Variants in ANAPC1 observed in about 807,000 individuals in gnomAD.
The protein encoded by ANAPC1 is anaphase promoting complex subunit 1.
A neutral mutation model predicts 208.0 loss-of-function variants in ANAPC1; 36 were observed. That is an observed-to-expected ratio of 0.17 (90% confidence interval 0.13 to 0.23). The LOEUF is 0.23. Among genes scored for constraint, ANAPC1 ranks in the 10% least tolerant of loss-of-function variants. ANAPC1 has a pLI of 1.00. For missense variants in ANAPC1, 942 were observed against 2,011.6 expected (o/e 0.47, Z 10.17); for synonymous variants, 378 against 695.2 (o/e 0.54, Z 7.18).
chr2:111,806,076 G>C (rs1348607105), intron 29 of ANAPC1, among the ~76,000 whole-genome samples, 183 bp from the exon 30 acceptor site: 1 of 151,450 alleles, frequency 6.6e-6, no homozygotes, highest in African/African-American at 2.4e-5. Context: ...AAAAAAAAGG[G>C]CCCAAAATAG....
chr2:111,860,454 G>A (rs1681997111), intron 10 of ANAPC1, among the ~76,000 whole-genome samples: 3 of 144,838 alleles, frequency 2.1e-5, no homozygotes, highest in Admixed American at 7.0e-5. Flanking sequence ...GAGTCTGTAT[G>A]CCTATGTTCA....
chr2:111,863,468 C>A lies in ANAPC1; in HGVS notation c.1052+207G>T, dbSNP rs189355476. On this transcript the variant is annotated intron_variant, in intron 9 of 47. Coordinates refer to ENST00000341068, the MANE Select transcript of ANAPC1 (RefSeq NM_022662.4). Reference sequence around the variant, plus strand: ...CAGAGTTTGCAGTGAGTCAAGATTGCGCCACTGCACACCAGCCTGGGTGAC... The same window carrying A: ...CAGAGTTTGCAGTGAGTCAAGATTGAGCCACTGCACACCAGCCTGGGTGAC... Among the ~76,000 whole-genome samples, 745 of 146,298 alleles carry A rather than the reference C, an allele frequency of 5.1e-3. 14 individuals are homozygous for A. The highest frequency in any genetic ancestry group is 0.018 in the African/African-American group (704 of 39,482).
At chr2:111,864,555 C>A (rs1226222741) in intron 8 of ANAPC1, among the ~76,000 whole-genome samples, 1 of 149,250 alleles carries the variant, frequency 6.7e-6, no homozygotes, top group Admixed American at 6.7e-5. Flanking sequence ...ACCTACACCT[C>A]CCAGGTTCAA....
chr2:111,870,031 G>A (rs1286172113), intron 6 of ANAPC1, among the ~76,000 whole-genome samples: 1 of 152,172 alleles, frequency 6.6e-6, no homozygotes, highest in East Asian at 1.9e-4. Context: ...CATCCAGCTT[G>A]CTGCAAAAGA....
chr2:111,857,104 CAGAT>C (rs1681771897), intron 11 of ANAPC1: 3 of 484,860 alleles, frequency 6.2e-6, no homozygotes, highest in Admixed American at 3.4e-5. Context: ...TAACGTAAGA[CAGAT>C]AAAGATGTTT....
chr2:111,832,286 G>A (rs1401180029), intron 20 of ANAPC1, among the ~76,000 whole-genome samples: 1 of 140,130 alleles, frequency 7.1e-6, no homozygotes, highest in African/African-American at 2.7e-5. Flanking sequence ...CTGGGCGACA[G>A]AGTGAGACCC....
At chr2:111,859,258 A>G (rs1681919721) in intron 10 of ANAPC1, among the ~76,000 whole-genome samples, 1 of 152,090 alleles carries the variant, frequency 6.6e-6, no homozygotes, top group African/African-American at 2.4e-5. Context: ...CGAGGTGGGC[A>G]GATCACCTGA....
At chr2:111,844,398 A>G (rs1680937124) in intron 16 of ANAPC1, among the ~76,000 whole-genome samples, 1 of 151,336 alleles carries the variant, frequency 6.6e-6, no homozygotes. Context: ...GTGAAACCCC[A>G]TTTCTACTAA....
intron 46 of ANAPC1, among the ~76,000 whole-genome samples, chr2:111,775,408 T>C (rs912213625): frequency 2.0e-5 from 3 of 152,258 alleles, no homozygotes; most frequent in African/African-American, 7.2e-5. Flanking sequence ...CTGTGATTTT[T>C]ACACACAAAT....
chr2:111,847,800 A>G lies in ANAPC1; in HGVS notation c.1716T>C (p.Asn572=), dbSNP rs1175944249. 1 of 1,607,388 alleles carries G rather than the reference A, an allele frequency of 6.2e-7. No homozygotes were observed. The highest frequency in any genetic ancestry group is 8.5e-7 in the Non-Finnish European group (1 of 1,177,090). Residue 572 remains asparagine, a synonymous_variant, in exon 15 of 48, where the codon AAT becomes AAC. Coordinates refer to ENST00000341068, the MANE Select transcript of ANAPC1 (RefSeq NM_022662.4). The part of the protein sequence containing the change: ...DSSKLHDSLY[N]EDCTFQQLGT... The stretch of plus-strand genomic sequence containing the variant: ...CAAGCTGTTGGAAAGTACAATCCTC[A>G]TTATAGAGAGAATCATGAAGTTTTG...
At chr2:111,850,436 C>A (rs1048002097) in intron 14 of ANAPC1, among the ~76,000 whole-genome samples, 2 of 152,130 alleles carry the variant, frequency 1.3e-5, no homozygotes, top group African/African-American at 4.8e-5. Context: ...CGGATGTTAT[C>A]TTCCCATCAG....
intron 18 of ANAPC1, 102 bp downstream of exon 18, chr2:111,838,336 G>T (rs905078756): frequency 4.9e-6 from 4 of 823,522 alleles, no homozygotes; most frequent in Non-Finnish European, 7.3e-6. Flanking sequence ...AAAGTGAAAG[G>T]TGTTGGAAAG....
At chr2:111,813,361 T>G (rs1473056752) in intron 28 of ANAPC1, among the ~76,000 whole-genome samples, 1 of 151,920 alleles carries the variant, frequency 6.6e-6, no homozygotes, top group African/African-American at 2.4e-5. Flanking sequence ...TAGGGATATT[T>G]TAGCTCACAT....
intron 3 of ANAPC1, among the ~76,000 whole-genome samples, chr2:111,876,161 AGGAGG>A (rs1683014178): frequency 6.6e-6 from 1 of 152,126 alleles, no homozygotes; most frequent in African/African-American, 2.4e-5. Context: ...AGGCCAAGCC[AGGAGG>A]ATCACTAGAG....
At chr2:111,877,841 G>T (rs1683099114) in intron 3 of ANAPC1, among the ~76,000 whole-genome samples, 1 of 151,988 alleles carries the variant, frequency 6.6e-6, no homozygotes. Flanking sequence ...GCCATTCCTA[G>T]CTATCTATTT....
chr2:111,772,246 G>A, intron 47 of ANAPC1, 95 bp downstream of exon 47: 1 of 1,545,706 alleles, frequency 6.5e-7, no homozygotes, highest in Non-Finnish European at 8.8e-7. Flanking sequence ...TTAATGAAGA[G>A]GAAAGTCAAA....
chr2:111,881,100 C>T (rs1488202732), intron 1 of ANAPC1, among the ~76,000 whole-genome samples: 2 of 151,178 alleles, frequency 1.3e-5, no homozygotes, highest in Admixed American at 6.6e-5. Context: ...ACTTATGTCC[C>T]GCACCACCTA....
At chr2:111,799,954 T>C (rs1678360946) in intron 34 of ANAPC1, among the ~76,000 whole-genome samples, 1 of 104,608 alleles carries the variant, frequency 9.6e-6, no homozygotes, top group Non-Finnish European at 2.1e-5. Flanking sequence ...TCTTATCCAA[T>C]AGGGTACTTA....
At chr2:111,828,041 T>C (rs560012483) in intron 21 of ANAPC1, among the ~76,000 whole-genome samples, 2 of 152,248 alleles carry the variant, frequency 1.3e-5, no homozygotes, top group East Asian at 3.9e-4. Flanking sequence ...TTGCAAATCA[T>C]GTATCTGACA....
Sources: allele counts gnomAD v4.1 joint callset (sites outside exome capture counted in the v4.1 genomes callset), GRCh38; gene constraint gnomAD v4.1.1; transcripts MANE v1.5; gene names NCBI Gene and HGNC (gene_info 2026-07-23, HGNC 2026-07-21).